Variants in DDR2 observed in about 807,000 individuals in gnomAD.
The protein encoded by DDR2 is discoidin domain receptor tyrosine kinase 2, also known as discoidin domain-containing receptor 2.
A neutral mutation model predicts 94.9 loss-of-function variants in DDR2; 27 were observed. The ratio of observed to expected loss-of-function variants is 0.28; its 90% CI spans 0.21 to 0.39. DDR2 has a LOEUF of 0.39. Among genes scored for constraint, DDR2 ranks in the 10% least tolerant of loss-of-function variants. DDR2 has a pLI of 1.00. For synonymous variants in DDR2, 382 were observed against 377.2 expected (o/e 1.01, Z -0.15); for missense variants, 783 against 1,076.0 (o/e 0.73, Z 3.81).
chr1:162,721,974 C>G (rs1661443583), intron 3 of DDR2, among the ~76,000 whole-genome samples: 1 of 152,068 alleles, frequency 6.6e-6, no homozygotes, highest in African/African-American at 2.4e-5. Flanking sequence ...GTCAATAAGC[C>G]TTCAGTATTA....
At chr1:162,711,658 A>T (rs1660921316) in intron 2 of DDR2, among the ~76,000 whole-genome samples, 1 of 152,160 alleles carries the variant, frequency 6.6e-6, no homozygotes, top group Admixed American at 6.5e-5. Context: ...TACTTTCCAT[A>T]TTATCACTGG....
At chr1:162,739,857 G>A (rs1662502907) in intron 3 of DDR2, among the ~76,000 whole-genome samples, 1 of 151,898 alleles carries the variant, frequency 6.6e-6, no homozygotes, top group East Asian at 1.9e-4. Context: ...AATATTTTTA[G>A]GGTAGCCAGT....
chr1:162,716,159 G>T (rs1419963246), intron 2 of DDR2, among the ~76,000 whole-genome samples: 1 of 152,202 alleles, frequency 6.6e-6, no homozygotes, highest in African/African-American at 2.4e-5. Flanking sequence ...GGAAAGAAAG[G>T]AAATGATGTG....
chr1:162,747,326 G>A (rs2806419), intron 3 of DDR2, among the ~76,000 whole-genome samples: 128,072 of 152,162 alleles, frequency 0.84, 54,683 homozygotes, highest in Non-Finnish European at 0.92. Flanking sequence ...AAGACCTTAA[G>A]TGACCTGGTG....
At chr1:162,641,716 G>T (rs77738231) in intron 1 of DDR2, among the ~76,000 whole-genome samples, 2,713 of 152,242 alleles carry the variant, frequency 0.018, 76 homozygotes, top group African/African-American at 0.062. Flanking sequence ...TCTATTAATT[G>T]GTTATGCCGT....
chr1:162,633,250 T>G (rs1423561239), intron 1 of DDR2, among the ~76,000 whole-genome samples: 1 of 152,142 alleles, frequency 6.6e-6, no homozygotes, highest in East Asian at 1.9e-4. Context: ...CTGGGTGCCT[T>G]TCCCTTTGTT....
At chr1:162,649,379 C>T (rs1657567606) in intron 1 of DDR2, among the ~76,000 whole-genome samples, 2 of 152,048 alleles carry the variant, frequency 1.3e-5, no homozygotes, top group African/African-American at 4.8e-5. Context: ...GAAAGTTTGT[C>T]TCTTGCACTA....
At chr1:162,695,396 A>C (rs1025054705) in intron 2 of DDR2, among the ~76,000 whole-genome samples, 2 of 152,044 alleles carry the variant, frequency 1.3e-5, no homozygotes, top group Non-Finnish European at 2.9e-5. Flanking sequence ...CACGCCGGCT[A>C]ATTTTTGTAT....
intron 2 of DDR2, among the ~76,000 whole-genome samples, chr1:162,656,833 G>GTTTTGTTTTTTTTT (rs1558008740): frequency 2.0e-4 from 13 of 65,682 alleles, no homozygotes; most frequent in Non-Finnish European, 2.7e-4. Context: ...TGCCACTGGA[G>GTTTTGTTTTTTTTT]TTTTTTTTTT....
intron 3 of DDR2, among the ~76,000 whole-genome samples, chr1:162,723,520 C>T (rs760976686): frequency 4.6e-5 from 7 of 152,138 alleles, no homozygotes; most frequent in Non-Finnish European, 8.8e-5. Context: ...TGGCACCTTA[C>T]GTTTTTCCAG....
At chr1:162,774,977 C>T (rs962310276) in intron 14 of DDR2, among the ~76,000 whole-genome samples, 2 of 152,156 alleles carry the variant, frequency 1.3e-5, no homozygotes, top group African/African-American at 4.8e-5. Flanking sequence ...GCCTCACTAA[C>T]AAAATCTTGC....
intron 11 of DDR2, among the ~76,000 whole-genome samples, chr1:162,767,924 C>A (rs1333411766): frequency 6.6e-6 from 1 of 151,592 alleles, no homozygotes; most frequent in African/African-American, 2.4e-5. Context: ...ATTATGTATC[C>A]CTCTGAGTCC....
chr1:162,673,608 T>TGAGAGAGAGA (rs10684469), intron 2 of DDR2, among the ~76,000 whole-genome samples: 56 of 117,246 alleles, frequency 4.8e-4, no homozygotes, highest in South Asian at 3.9e-3. Context: ...TGTGTGTGTG[T>TGAGAGAGAGA]GAGAGAGAGA....
At chr1:162,724,304 C>T (rs1661552189) in intron 3 of DDR2, among the ~76,000 whole-genome samples, 1 of 152,176 alleles carries the variant, frequency 6.6e-6, no homozygotes, top group African/African-American at 2.4e-5. Flanking sequence ...TCATGCTTTC[C>T]TTTCTGCAAC....
In DDR2 at chr1:162,754,705, T is replaced by C. The variant is rs2102133180; in HGVS notation, c.267T>C (p.Ile89=). The part of the protein sequence containing the change: ...EPDDLKEFLQ[I]DLHTLHFITL... ...ATGACCTGAAGGAGTTTCTGCAGAT[T>C]GACTTGCACACCCTCCATTTTATCA... Residue 89 remains isoleucine, a synonymous_variant, in exon 5 of 18, where the codon ATT becomes ATC. Transcript: ENST00000367921. 6.2e-7 allele frequency: 1 copy of C among 1,614,100 alleles called. No homozygotes were observed. Among genetic ancestry groups the C allele is most frequent in the Non-Finnish European group, 8.5e-7 (1 of 1,180,014 alleles).
chr1:162,720,252 G>A (rs998041453), intron 3 of DDR2, among the ~76,000 whole-genome samples: 2 of 152,000 alleles, frequency 1.3e-5, no homozygotes, highest in Admixed American at 1.3e-4. Context: ...ACAGTACCTG[G>A]ATTAAGAAAC....
chr1:162,704,204 G>A (rs977682896), intron 2 of DDR2, among the ~76,000 whole-genome samples: 2 of 152,156 alleles, frequency 1.3e-5, no homozygotes, highest in Admixed American at 1.3e-4. Flanking sequence ...GGGTAGATGG[G>A]ATATAGATAA....
intron 3 of DDR2, among the ~76,000 whole-genome samples, chr1:162,741,194 T>C (rs372143976): frequency 6.7e-4 from 52 of 77,544 alleles, no homozygotes; most frequent in African/African-American, 2.1e-3. Context: ...TAACATAACA[T>C]AATACAATAC....
chr1:162,703,188 C>T lies in DDR2; in HGVS notation c.-27-15849C>T, dbSNP rs80191817. Among the ~76,000 whole-genome samples, 439 of 152,222 alleles carry T rather than the reference C, an allele frequency of 2.9e-3. 3 individuals are homozygous for T. The highest frequency in any genetic ancestry group is 0.01 in the African/African-American group (424 of 41,542). Reference sequence around the variant, plus strand: ...TGTGCTATGTGCCACGATGCCTATACAGAACGTATAGCCTAGTTCCTGATA... The same window carrying T: ...TGTGCTATGTGCCACGATGCCTATATAGAACGTATAGCCTAGTTCCTGATA... On this transcript the variant is annotated intron_variant, in intron 2 of 17. Transcript: ENST00000367921.
Sources: allele counts gnomAD v4.1 joint callset (sites outside exome capture counted in the v4.1 genomes callset), GRCh38; gene constraint gnomAD v4.1.1; transcripts MANE v1.5; gene names NCBI Gene and HGNC (gene_info 2026-07-23, HGNC 2026-07-21).